Variants in KCTD9 observed in about 807,000 individuals in gnomAD.
The protein encoded by KCTD9 is BTB/POZ domain-containing protein KCTD9.
A neutral mutation model predicts 53.3 loss-of-function variants in KCTD9; 17 were observed. The ratio of observed to expected loss-of-function variants is 0.32; its 90% CI spans 0.22 to 0.48. The LOEUF (loss-of-function observed/expected upper bound fraction) is 0.48. KCTD9 is among the 20% of genes least tolerant of loss of function. KCTD9 has a pLI of 0.99. For synonymous variants in KCTD9, 128 were observed against 162.7 expected, an observed-to-expected ratio of 0.79 and a Z score of 1.62; for missense variants, 179 against 465.5, an observed-to-expected ratio of 0.38 and a Z score of 5.66.
At chr8:25,455,783 C>A (rs1465530865) in intron 1 of KCTD9, among the ~76,000 whole-genome samples, 1 of 152,138 alleles carries the variant, frequency 6.6e-6, no homozygotes, top group Admixed American at 6.5e-5. Flanking sequence ...ATGTGAAGGC[C>A]GTCCCTTCTT....
At chr8:25,438,785 C>G (rs1802066330) in intron 6 of KCTD9, among the ~76,000 whole-genome samples, 1 of 152,214 alleles carries the variant, frequency 6.6e-6, no homozygotes, top group Admixed American at 6.5e-5. Context: ...CAATATGACT[C>G]AGAGAAATTT....
chr8:25,457,008 T>A (rs527658183), intron 1 of KCTD9, among the ~76,000 whole-genome samples: 3 of 152,196 alleles, frequency 2.0e-5, no homozygotes, highest in Non-Finnish European at 4.4e-5. Flanking sequence ...AAATGTAAAC[T>A]TCGTGAACAT....
At chr8:25,433,506 GA>G (rs981929558) in intron 9 of KCTD9, 71 bp from the exon 10 acceptor site, 70 of 688,274 alleles carry the variant, frequency 1.0e-4, no homozygotes, top group Admixed American at 1.4e-4. Context: ...AACAGTAAAA[GA>G]AAAAAAATAG....
rs149897434 is a variant in KCTD9, at chr8:25,448,455, G to A, written c.49-2205C>T. The stretch of plus-strand genomic sequence containing the variant: ...GATGACCAAGTACTGGAAATAAACC[G>A]TGGTGATGGTTACACACATTGTGAA... On this transcript the variant is annotated intron_variant, in intron 1 of 11. Transcript: ENST00000221200. Among the ~76,000 whole-genome samples the A allele has an allele frequency of 5.3e-4, 81 of 152,276 alleles. No homozygotes were observed. In the East Asian group the frequency reaches 5.6e-3, roughly 11 times the overall value.
At chr8:25,446,357 G>A in intron 1 of KCTD9, 107 bp from the exon 2 acceptor site, 1 of 1,311,660 alleles carries the variant, frequency 7.6e-7, no homozygotes. Flanking sequence ...TCATATAAAA[G>A]GAGACTTCAA....
chr8:25,458,128 G>C, intron 1 of KCTD9, 71 bp downstream of exon 1: 3 of 1,395,878 alleles, frequency 2.1e-6, no homozygotes, highest in South Asian at 2.5e-5. Flanking sequence ...CCGCTGCCCC[G>C]CCAGCCGGTT....
At chr8:25,448,924 A>G (rs1477426291) in intron 1 of KCTD9, among the ~76,000 whole-genome samples, 1 of 152,112 alleles carries the variant, frequency 6.6e-6, no homozygotes, top group East Asian at 1.9e-4. Context: ...CCAAGAAAAA[A>G]AAAAAGAAAA....
At chr8:25,436,151 A>G in intron 8 of KCTD9, 84 bp downstream of exon 8, 1 of 870,888 alleles carries the variant, frequency 1.1e-6, no homozygotes, top group East Asian at 2.4e-5. Context: ...ACAAAGCAAG[A>G]TAATCCCAAA....
In KCTD9 at chr8:25,429,049, A is replaced by C. The variant is rs1586418772; in HGVS notation, c.*808T>G. The C allele has an allele frequency of 1.3e-5, 2 of 152,346 alleles. No individual in the cohort carries two copies. The highest frequency in any genetic ancestry group is 3.9e-4 in the East Asian group (2 of 5,182). 9.4% of individuals were successfully genotyped at this position (152,346 alleles called of 1,614,324 possible). A position where few individuals can be genotyped will look rare whatever the true frequency, so the allele number is the denominator to read the frequency against. ...AGAAAACTAGGCTAATAGTGTAAATAGATAGAATTGCTTGATCTGGTGTTG... is the reference window on the plus strand; with the variant it reads ...AGAAAACTAGGCTAATAGTGTAAATCGATAGAATTGCTTGATCTGGTGTTG... On this transcript the variant is annotated 3_prime_UTR_variant, in exon 12 of 12. Transcript: ENST00000221200.
intron 9 of KCTD9, 107 bp downstream of exon 9, chr8:25,435,256 T>A (rs1801996746): frequency 1.5e-6 from 1 of 674,110 alleles, no homozygotes; most frequent in Non-Finnish European, 2.3e-6. Flanking sequence ...TGTTTTCAAG[T>A]AAAAGCTCCA....
chr8:25,431,648 T>C (rs1801932838), intron 11 of KCTD9, among the ~76,000 whole-genome samples: 1 of 152,130 alleles, frequency 6.6e-6, no homozygotes, highest in Admixed American at 6.5e-5. Context: ...GTGAAAGTAA[T>C]GTAACAAACA....
chr8:25,446,884 A>C (rs944736292), intron 1 of KCTD9, among the ~76,000 whole-genome samples: 1 of 152,190 alleles, frequency 6.6e-6, no homozygotes, highest in African/African-American at 2.4e-5. Context: ...TTAAGAACAG[A>C]GCAAACAGCT....
At chr8:25,438,261 T>C (rs1401923325) in intron 6 of KCTD9, among the ~76,000 whole-genome samples, 1 of 151,766 alleles carries the variant, frequency 6.6e-6, no homozygotes, top group Non-Finnish European at 1.5e-5. Context: ...AACAAGAATT[T>C]AGTTATAAAG....
chr8:25,454,450 T>C (rs1802392499), intron 1 of KCTD9, among the ~76,000 whole-genome samples: 1 of 152,206 alleles, frequency 6.6e-6, no homozygotes, highest in South Asian at 2.1e-4. Flanking sequence ...GTTCAAGACG[T>C]ATAGAAACTC....
At chr8:25,446,305 T>G in intron 1 of KCTD9, 55 bp from the exon 2 acceptor site, 1 of 1,589,604 alleles carries the variant, frequency 6.3e-7, no homozygotes, top group Non-Finnish European at 8.6e-7. Context: ...TTATCCCCCA[T>G]AAGTTATAAA....
intron 4 of KCTD9, chr8:25,439,888 TTAAATACTTGTC>T: frequency 1.2e-6 from 1 of 860,110 alleles, no homozygotes. Flanking sequence ...TTCCTTTGCT[TTAAATACTTGTC>T]TGTCTATCCT....
intron 1 of KCTD9, chr8:25,450,375 A>T (rs1802296272): frequency 2.0e-6 from 2 of 985,200 alleles, no homozygotes; most frequent in East Asian, 2.3e-4. Flanking sequence ...CAAATGGTAC[A>T]TTACCTGGCT....
intron 3 of KCTD9, among the ~76,000 whole-genome samples, chr8:25,440,996 A>G (rs1802111230): frequency 6.6e-6 from 1 of 152,232 alleles, no homozygotes; most frequent in Non-Finnish European, 1.5e-5. Context: ...GTCTAGCTGA[A>G]AACAACAGAT....
In KCTD9 at chr8:25,429,005, T is replaced by C. The variant is rs1360985298; in HGVS notation, c.*852A>G. ...TTTTTGGTTTTGAAGTATCTTCCTA[T>C]GCTTGTGATGACTGTATGAGAAAAC... On this transcript the variant is annotated 3_prime_UTR_variant, in exon 12 of 12. Coordinates refer to ENST00000221200, the MANE Select transcript of KCTD9 (RefSeq NM_017634.4). 3 of 152,208 alleles carry C rather than the reference T, an allele frequency of 2.0e-5. No homozygotes were observed. The highest frequency in any genetic ancestry group is 6.5e-5 in the Admixed American group (1 of 15,274). The allele number at this position is 152,208 out of a possible 1,614,324, so 9.4% of individuals were successfully genotyped here.
Sources: allele counts gnomAD v4.1 joint callset (sites outside exome capture counted in the v4.1 genomes callset), GRCh38; gene constraint gnomAD v4.1.1; transcripts MANE v1.5; gene names NCBI Gene and HGNC (gene_info 2026-07-23, HGNC 2026-07-21).